Variants in TOX2 observed in about 807,000 individuals in gnomAD.
The protein encoded by TOX2 is TOX high mobility group box family member 2.
In TOX2, 15 loss-of-function variants were observed where a neutral mutation model predicts 47.4. That is an observed-to-expected ratio of 0.32 (90% CI 0.21 to 0.49). The LOEUF (loss-of-function observed/expected upper bound fraction) is 0.49, where lower values mean the gene tolerates loss of function less well. Among genes scored for constraint, TOX2 ranks in the 20% least tolerant of loss-of-function variants. The pLI is 0.99. For missense variants in TOX2, 622 were observed against 673.1 expected (o/e 0.92, Z 0.84); for synonymous variants, 290 against 296.6 (o/e 0.98, Z 0.23).
At chr20:43,972,700 C>G (rs1224026429) in intron 1 of TOX2, among the ~76,000 whole-genome samples, 1 of 152,158 alleles carries the variant, frequency 6.6e-6, no homozygotes, top group African/African-American at 2.4e-5. Flanking sequence ...GTCCCAGAGC[C>G]CACATCTCTT....
chr20:43,942,352 T>C (rs2069412980), intron 1 of TOX2, among the ~76,000 whole-genome samples: 1 of 152,200 alleles, frequency 6.6e-6, no homozygotes, highest in Non-Finnish European at 1.5e-5. Context: ...AGCCTGGCCA[T>C]TGTCCCTGCC....
Position 44,068,869 on chromosome 20 carries a change from A to G in TOX2, c.*183A>G. 1.2e-6 allele frequency: 1 copy of G among 814,554 alleles called. No homozygotes were observed. Among genetic ancestry groups the G allele is most frequent in the Non-Finnish European group, 2.1e-6 (1 of 477,064 alleles). 50.5% of individuals were successfully genotyped at this position (814,554 alleles called of 1,614,324 possible). ...CCACCAGACTCTGCAGAGGCAGCCC[A>G]CTGCCCACCACCAGCCCAAAGAACC... is the stretch of plus-strand genomic sequence containing the variant. On this transcript the variant is annotated 3_prime_UTR_variant, in exon 9 of 9. Coordinates refer to ENST00000341197, the MANE Select transcript of TOX2 (RefSeq NM_001098797.2).
At chr20:44,039,562 G>A (rs114499747) in intron 3 of TOX2, among the ~76,000 whole-genome samples, 137 of 152,280 alleles carry the variant, frequency 9.0e-4, no homozygotes, top group African/African-American at 3.3e-3. Flanking sequence ...AAAGGTTTGG[G>A]TGCAAGTAGT....
At chr20:43,978,939 A>G (rs2070126469) in intron 2 of TOX2, among the ~76,000 whole-genome samples, 1 of 152,152 alleles carries the variant, frequency 6.6e-6, no homozygotes, top group African/African-American at 2.4e-5. Flanking sequence ...ATTGTGGCAG[A>G]GGGGATGGAA....
intron 1 of TOX2, among the ~76,000 whole-genome samples, chr20:43,951,705 A>ATTTTTTT (rs1212223106): frequency 2.0e-4 from 6 of 30,384 alleles, no homozygotes; most frequent in East Asian, 2.4e-3. Context: ...TAAACTTATT[A>ATTTTTTT]TGTTTTTTTT....
chr20:43,924,394 G>T (rs1346649950), intron 1 of TOX2, among the ~76,000 whole-genome samples: 1 of 152,204 alleles, frequency 6.6e-6, no homozygotes, highest in African/African-American at 2.4e-5. Context: ...ATGCTCCAGG[G>T]TGGGATTCCA....
At chr20:44,026,864 G>T (rs1203811859) in intron 3 of TOX2, among the ~76,000 whole-genome samples, 1 of 152,082 alleles carries the variant, frequency 6.6e-6, no homozygotes, top group Non-Finnish European at 1.5e-5. Flanking sequence ...CCCCATCCCT[G>T]AGCACCCACA....
intron 2 of TOX2, among the ~76,000 whole-genome samples, chr20:43,985,360 G>A (rs755701809): frequency 3.9e-5 from 6 of 152,350 alleles, no homozygotes; most frequent in Admixed American, 1.3e-4. Flanking sequence ...CCCGCAATGA[G>A]GCTGGAAGCT....
Position 44,012,636 on chromosome 20 carries a change from C to G in TOX2, c.411+5844C>G, listed in dbSNP as rs79987830. The stretch of plus-strand genomic sequence containing the variant: ...TTGGGATCTTGGACAAGTTACTTCT[C>G]TCCCAGCCTCAGTTTTCCTATCTAT... On this transcript the variant is annotated intron_variant, in intron 3 of 8. Transcript: ENST00000341197. Among the ~76,000 whole-genome samples, 1,000 of 152,296 alleles carry G rather than the reference C, an allele frequency of 6.6e-3. 10 individuals carry two copies. The highest frequency in any genetic ancestry group is 0.023 in the African/African-American group (970 of 41,540).
chr20:44,021,426 C>T (rs949267127), intron 3 of TOX2, among the ~76,000 whole-genome samples: 14 of 152,124 alleles, frequency 9.2e-5, no homozygotes, highest in Non-Finnish European at 1.8e-4. Flanking sequence ...CTGAGATGGT[C>T]GCTACCCCAT....
chr20:43,976,422 A>G (rs1280016769), intron 2 of TOX2, among the ~76,000 whole-genome samples: 1 of 152,206 alleles, frequency 6.6e-6, no homozygotes, highest in Non-Finnish European at 1.5e-5. Flanking sequence ...AAGAGCAGAA[A>G]TTGCAAGATT....
At chr20:44,045,449 T>G (rs2071397748) in intron 3 of TOX2, among the ~76,000 whole-genome samples, 1 of 152,188 alleles carries the variant, frequency 6.6e-6, no homozygotes, top group African/African-American at 2.4e-5. Flanking sequence ...TGACACTCAT[T>G]TGTCCATCTT....
intron 2 of TOX2, among the ~76,000 whole-genome samples, chr20:43,977,010 C>A (rs192407279): frequency 8.3e-4 from 127 of 152,322 alleles, no homozygotes; most frequent in African/African-American, 3.0e-3. Flanking sequence ...TTCACCCAAT[C>A]AGCAAATGTT....
At chr20:43,926,846 G>A (rs6103515) in intron 1 of TOX2, among the ~76,000 whole-genome samples, 17,035 of 152,254 alleles carry the variant, frequency 0.11, 1,855 homozygotes, top group African/African-American at 0.28. Flanking sequence ...AGCAAGGCAC[G>A]TGAGCTGTTC....
chr20:43,937,237 T>A lies in TOX2; in HGVS notation c.99+22247T>A, dbSNP rs1320210508. On this transcript the variant is annotated intron_variant, in intron 1 of 8. Transcript: ENST00000341197. ...GGAGGGGCCTGGCACACTTGACCAC[T>A]CCAAGAAAGTGCCAGTTTCTTTTAA... 2.0e-5 allele frequency among the ~76,000 whole-genome samples: 3 copies of A among 152,208 alleles called. No individual in the cohort carries two copies. In the East Asian group the frequency reaches 5.8e-4, roughly 29 times the overall value.
At chr20:44,060,683 A>G (rs1433991206) in intron 5 of TOX2, among the ~76,000 whole-genome samples, 1 of 152,178 alleles carries the variant, frequency 6.6e-6, no homozygotes, top group African/African-American at 2.4e-5. Context: ...TGAAATCAAG[A>G]TGGATATTAT....
chr20:44,026,341 A>G (rs1029499429), intron 3 of TOX2, among the ~76,000 whole-genome samples: 3 of 148,778 alleles, frequency 2.0e-5, no homozygotes, highest in African/African-American at 7.6e-5. Context: ...GGAGACTATT[A>G]TTCTAAGTGA....
intron 2 of TOX2, among the ~76,000 whole-genome samples, chr20:43,977,825 G>A (rs1034111624): frequency 8.5e-5 from 13 of 152,166 alleles, no homozygotes; most frequent in African/African-American, 3.1e-4. Context: ...TTCCTGTTGA[G>A]AGCAGACTCT....
At chr20:43,941,577 C>T (rs993652924) in intron 1 of TOX2, among the ~76,000 whole-genome samples, 1 of 152,184 alleles carries the variant, frequency 6.6e-6, no homozygotes, top group East Asian at 1.9e-4. Flanking sequence ...ATGTGATCCA[C>T]CCACTTCGGC....
Sources: allele counts gnomAD v4.1 joint callset (sites outside exome capture counted in the v4.1 genomes callset), GRCh38; gene constraint gnomAD v4.1.1; transcripts MANE v1.5; gene names NCBI Gene and HGNC (gene_info 2026-07-23, HGNC 2026-07-21).